The following ANKRD60 variants were observed in gnomAD, a reference collection of about 807,000 sequenced individuals.
ANKRD60 encodes the protein ankyrin repeat domain-containing protein 60.
A neutral mutation model predicts 21.3 loss-of-function variants in ANKRD60; 24 were observed. That is an observed-to-expected ratio of 1.13 (90% CI 0.82 to 1.59). ANKRD60 has a LOEUF of 1.59. Ranked by LOEUF, ANKRD60 falls within the 40% of genes most tolerant of loss-of-function variation. The pLI is 0.00. For missense variants in ANKRD60, 490 were observed against 466.7 expected (o/e 1.05, Z -0.46); for synonymous variants, 182 against 199.4 (o/e 0.91, Z 0.74).
At chr20:58,219,596 T>G (rs1011811364) in intron 3 of ANKRD60, among the ~76,000 whole-genome samples, 1 of 152,190 alleles carries the variant, frequency 6.6e-6, no homozygotes, top group African/African-American at 2.4e-5. Flanking sequence ...GTGTCCAATA[T>G]GGAGTTGTTG....
At chr20:58,219,761 C>T (rs1391640380) in intron 3 of ANKRD60, among the ~76,000 whole-genome samples, 1 of 152,200 alleles carries the variant, frequency 6.6e-6, no homozygotes, top group Non-Finnish European at 1.5e-5. Context: ...TCGACCATGA[C>T]ACCTCCCCCC....
At chr20:58,225,242 C>T (rs911029851) in intron 1 of ANKRD60, among the ~76,000 whole-genome samples, 2 of 152,122 alleles carry the variant, frequency 1.3e-5, no homozygotes, top group East Asian at 3.9e-4. Flanking sequence ...TTAATAGCCC[C>T]GCATAGCTCA....
chr20:58,221,573 G>T (rs1600683358), intron 2 of ANKRD60, 70 bp from the exon 3 acceptor site: 3 of 1,482,592 alleles, frequency 2.0e-6, no homozygotes, highest in East Asian at 2.5e-5. Context: ...GGCTGATGGG[G>T]CATGCTCAGG....
intron 3 of ANKRD60, among the ~76,000 whole-genome samples, chr20:58,219,443 C>T (rs976355222): frequency 6.6e-6 from 1 of 152,184 alleles, no homozygotes; most frequent in East Asian, 1.9e-4. Flanking sequence ...TGGCTTGTTG[C>T]TGTTCTCATC....
In ANKRD60 at chr20:58,223,183, C is replaced by G; in HGVS notation, c.431-1G>C. The G allele has an allele frequency of 6.5e-7, 1 of 1,535,704 alleles. No individual in the cohort carries two copies. On this transcript the variant is annotated splice_acceptor_variant, in intron 1 of 3. Coordinates refer to ENST00000457363, the Ensembl canonical transcript of ANKRD60. LOFTEE classifies it high-confidence loss of function. Reference sequence around the variant, plus strand: ...AGGGTAGTGTCATCCATCAAAACTCCTGCAGGGAAAAATTTTTTTTCTTTT... The same window carrying G: ...AGGGTAGTGTCATCCATCAAAACTCGTGCAGGGAAAAATTTTTTTTCTTTT...
At chr20:58,222,427 T>C (rs1984277852) in intron 2 of ANKRD60, among the ~76,000 whole-genome samples, 1 of 152,226 alleles carries the variant, frequency 6.6e-6, no homozygotes, top group African/African-American at 2.4e-5. Context: ...AAACTCCATC[T>C]CTTCTTCTCC....
exon 4 of ANKRD60, chr20:58,218,752 C>T (rs927713588): frequency 1.9e-6 from 3 of 1,551,274 alleles, no homozygotes; most frequent in Non-Finnish European, 2.6e-6. Flanking sequence ...CCCATAGCTG[C>T]AGCCACATGC....
At chr20:58,222,901 G>T in intron 2 of ANKRD60, 151 bp downstream of exon 2, 1 of 1,040,638 alleles carries the variant, frequency 9.6e-7, no homozygotes, top group Non-Finnish European at 1.3e-6. Context: ...AACCCTCAGT[G>T]CGGTATTTCA....
At chr20:58,218,404 C>T (rs1397047460), downstream of ANKRD60, 29 of 1,279,630 alleles carry the variant, frequency 2.3e-5, no homozygotes, top group Non-Finnish European at 2.9e-5. Context: ...GCCCTGTTTT[C>T]CTGCCTCCCT....
At chr20:58,218,781 G>A (rs1984186707) in exon 4 of ANKRD60, 2 of 1,543,868 alleles carry the variant, frequency 1.3e-6, no homozygotes, top group South Asian at 1.2e-5. Flanking sequence ...CCTGCCCAGG[G>A]GGGATCTGCT....
Position 58,228,646 on chromosome 20 carries a change from C to T in ANKRD60, c.8G>A (p.Arg3His). The T allele has an allele frequency of 1.0e-6, 1 of 997,054 alleles. No individual in the cohort carries two copies. The highest frequency in any genetic ancestry group is 1.2e-6 in the Non-Finnish European group (1 of 832,946). The allele number at this position is 997,054 out of a possible 1,614,324, so 61.8% of individuals were successfully genotyped here. ...CCGCCGCATCCCCCAGGCGCGGCCGCGCGTCATCCGCGGCTCGAGTGCGGT... is the reference window on the plus strand; with the variant it reads ...CCGCCGCATCCCCCAGGCGCGGCCGTGCGTCATCCGCGGCTCGAGTGCGGT... The change falls in exon 1 of 4, where the codon CGC becomes CAC. Residue 3 changes from arginine to histidine, a missense_variant. Arg to His is a conservative substitution (Grantham distance 29, BLOSUM62 0). Transcript: ENST00000457363. This position sits in a 1 kb window ranked among gnomAD's most constrained non-coding sequence, Gnocchi z 5.3.
At chr20:58,216,810 G>A (rs184010178), downstream of ANKRD60, among the ~76,000 whole-genome samples, 21 of 152,324 alleles carry the variant, frequency 1.4e-4, no homozygotes, top group Admixed American at 1.3e-3. Flanking sequence ...CCCATTCCCA[G>A]GAAAACTGCA....
rs138640478 is a variant in ANKRD60, at chr20:58,225,259, A to G, written c.431-2077T>C. Among the ~76,000 whole-genome samples the G allele has an allele frequency of 7.0e-3, 1,065 of 152,292 alleles. 5 individuals carry two copies. The highest frequency in any genetic ancestry group is 0.033 in the South Asian group (158 of 4,824). On this transcript the variant is annotated intron_variant, in intron 1 of 3. Transcript: ENST00000457363. ...AATAGCCCCGCATAGCTCATCAGTG[A>G]AAACAAATGAACAGAAGGGGTGCCA...
intron 1 of ANKRD60, among the ~76,000 whole-genome samples, chr20:58,226,010 G>A (rs913632733): frequency 1.3e-5 from 2 of 152,208 alleles, no homozygotes; most frequent in African/African-American, 4.8e-5. Context: ...CTGGAGTGGG[G>A]CCCTTGGGGT....
rs904217868 is a variant in ANKRD60 at position 58,221,551 on chromosome 20, A to T, written c.562-48T>A. 3.9e-6 allele frequency: 6 copies of T among 1,539,008 alleles called. No homozygotes were observed. In the African/African-American group the frequency reaches 8.3e-5, roughly 21 times the overall value. On this transcript the variant is annotated intron_variant, in intron 2 of 3. Transcript: ENST00000457363. The stretch of plus-strand genomic sequence containing the variant: ...GAGTTATTCTCAAAAGCGTGGCTAC[A>T]TTTTGCTGGACGGCTGATGGGGCAT...
At chr20:58,217,436 G>T (rs1475286209), downstream of ANKRD60, among the ~76,000 whole-genome samples, 2 of 144,878 alleles carry the variant, frequency 1.4e-5, no homozygotes, top group Non-Finnish European at 3.0e-5. Flanking sequence ...CTCAAAAAAA[G>T]AAAAAAAAAA....
Position 58,228,022 on chromosome 20 carries a change from C to T in ANKRD60, c.430+202G>A, listed in dbSNP as rs191634188. Among the ~76,000 whole-genome samples the T allele has an allele frequency of 3.3e-5, 5 of 152,172 alleles. No homozygotes were observed. The highest frequency in any genetic ancestry group is 2.6e-4 in the Admixed American group (4 of 15,288). ...TTGATTGGGAGTCCAATTTGAACGC[C>T]GTGTGTTTGAGATTGGGAAGTCCCT... On this transcript the variant is annotated intron_variant, in intron 1 of 3. Coordinates refer to ENST00000457363, the Ensembl canonical transcript of ANKRD60. This position sits in a 1 kb window ranked among gnomAD's most constrained non-coding sequence, Gnocchi z 5.3.
intron 3 of ANKRD60, among the ~76,000 whole-genome samples, chr20:58,220,369 T>G (rs1984222460): frequency 2.0e-5 from 3 of 152,178 alleles, no homozygotes; most frequent in Admixed American, 6.5e-5. Flanking sequence ...ATGGGCATCT[T>G]TTCCCAAAAA....
At chr20:58,218,641 G>A (rs1341324462) in exon 4 of ANKRD60, 16 of 1,551,688 alleles carry the variant, frequency 1.0e-5, no homozygotes, top group Non-Finnish European at 1.4e-5. Context: ...CTCAGTGTGT[G>A]GTTCAGGCGG....
Sources: allele counts gnomAD v4.1 joint callset (sites outside exome capture counted in the v4.1 genomes callset), GRCh38; gene constraint gnomAD v4.1.1; non-coding constraint Gnocchi (gnomAD v3.1); transcripts MANE v1.5; gene names NCBI Gene and HGNC (gene_info 2026-07-23, HGNC 2026-07-21).